The following FREM3 variants were observed in gnomAD, a reference collection of about 807,000 sequenced individuals.
FREM3 encodes the protein FRAS1 related extracellular matrix 3.
A neutral mutation model predicts 129.1 loss-of-function variants in FREM3; 105 were observed. The observed-to-expected ratio is 0.81, with a 90% CI of 0.69 to 0.96. The LOEUF (loss-of-function observed/expected upper bound fraction) is 0.96, where lower values mean the gene tolerates loss of function less well. Ranked by LOEUF, FREM3 falls within the 40% of genes least tolerant of loss-of-function variation. FREM3 has a pLI of 0.00. For synonymous variants in FREM3, 1,014 were observed against 1,044.9 expected, an observed-to-expected ratio of 0.97 and a Z score of 0.57; for missense variants, 2,593 against 2,666.3, an observed-to-expected ratio of 0.97 and a Z score of 0.61.
chr4:143,597,199 G>A (rs151285884), intron 6 of FREM3, among the ~76,000 whole-genome samples: 31 of 152,136 alleles, frequency 2.0e-4, no homozygotes, highest in African/African-American at 7.2e-4. Flanking sequence ...AGAGAGAGGA[G>A]TTTGAAACAG....
chr4:143,635,397 G>T (rs1231229522), intron 2 of FREM3, among the ~76,000 whole-genome samples: 2 of 152,144 alleles, frequency 1.3e-5, no homozygotes, highest in African/African-American at 2.4e-5. Flanking sequence ...TCTAGTGCAT[G>T]ATTTTCCATC....
intron 6 of FREM3, among the ~76,000 whole-genome samples, chr4:143,602,475 C>T (rs1738589810): frequency 6.6e-6 from 1 of 152,080 alleles, no homozygotes. Flanking sequence ...GGGACTAAAG[C>T]AGAAGTATCT....
chr4:143,668,202 C>A (rs1260384845), intron 2 of FREM3, among the ~76,000 whole-genome samples: 5 of 152,038 alleles, frequency 3.3e-5, no homozygotes, highest in Non-Finnish European at 7.4e-5. Context: ...AACCGATGAA[C>A]ATGATGAGTA....
chr4:143,693,805 C>T (rs948364291), intron 1 of FREM3, among the ~76,000 whole-genome samples: 10 of 152,106 alleles, frequency 6.6e-5, no homozygotes, highest in African/African-American at 1.2e-4. Flanking sequence ...TTCTTCTTCT[C>T]GTTGTTGTTT....
At chr4:143,620,340 G>A (rs1237934426) in intron 5 of FREM3, among the ~76,000 whole-genome samples, 1 of 152,200 alleles carries the variant, frequency 6.6e-6, no homozygotes, top group Non-Finnish European at 1.5e-5. Flanking sequence ...CCACATGAAA[G>A]TGATGGTGGC....
intron 2 of FREM3, among the ~76,000 whole-genome samples, chr4:143,652,783 C>T (rs1007662243): frequency 6.6e-6 from 1 of 152,164 alleles, no homozygotes; most frequent in South Asian, 2.1e-4. Flanking sequence ...TGCATGCCTC[C>T]ATGCCCAGCT....
intron 6 of FREM3, among the ~76,000 whole-genome samples, chr4:143,590,958 T>G (rs1436561033): frequency 6.6e-6 from 1 of 152,232 alleles, no homozygotes; most frequent in Admixed American, 6.5e-5. Context: ...CTTCCTGGTT[T>G]AGTCTTGGGA....
intron 2 of FREM3, among the ~76,000 whole-genome samples, chr4:143,632,574 G>T (rs1023210400): frequency 2.6e-5 from 4 of 152,074 alleles, no homozygotes. Flanking sequence ...TAAGAAGGTG[G>T]TCTGGCTTTT....
Position 143,627,540 on chromosome 4 carries a change from T to C in FREM3, c.5422+74A>G, listed in dbSNP as rs905750405. The C allele has an allele frequency of 3.1e-5, 37 of 1,205,888 alleles. No individual in the cohort carries two copies. The South Asian group carries it at 3.2e-4, about 10-fold the overall frequency. 74.7% of individuals were successfully genotyped at this position (1,205,888 alleles called of 1,614,324 possible). ...TTCTTTATTCTCTTTCAGTATACTT[T>C]CTTGTAATTATTTTTAGTCCCAGAT... On this transcript the variant is annotated intron_variant, in intron 3 of 7. Coordinates refer to ENST00000329798, the MANE Select transcript of FREM3 (RefSeq NM_001168235.2).
rs112309816 is a variant in FREM3, at chr4:143,631,329, G to GTATTTATTTATT, written c.5276-3581_5276-3570dup. ...AGAAAAGTTGTGTTATTATAATGCT[G>GTATTTATTTATT]TATTTATTTATTTATTTATTTATTT... On this transcript the variant is annotated intron_variant, in intron 2 of 7. Coordinates refer to ENST00000329798, the MANE Select transcript of FREM3 (RefSeq NM_001168235.2). Among the ~76,000 whole-genome samples, 497 of 151,588 alleles carry GTATTTATTTATT rather than the reference G, an allele frequency of 3.3e-3. 4 individuals are homozygous for GTATTTATTTATT. Among genetic ancestry groups the GTATTTATTTATT allele is most frequent in the African/African-American group, 0.012 (486 of 41,208 alleles).
intron 2 of FREM3, among the ~76,000 whole-genome samples, chr4:143,628,941 G>T (rs1270278846): frequency 6.6e-6 from 1 of 152,126 alleles, no homozygotes; most frequent in Non-Finnish European, 1.5e-5. Flanking sequence ...GACAAAGAAA[G>T]CAGGTATATG....
chr4:143,657,929 T>C (rs541176445), intron 2 of FREM3, among the ~76,000 whole-genome samples: 33 of 152,234 alleles, frequency 2.2e-4, no homozygotes, highest in African/African-American at 7.2e-4. Context: ...TCTCTTTACC[T>C]CCTCGAGTTC....
At position 143,700,593 on chromosome 4, in the gene FREM3, G is replaced by C. The variant is rs771121706; in HGVS notation, c.83C>G (p.Ala28Gly). ...ALACLLLSRP[A>G]LQGRASSLGT... The stretch of plus-strand genomic sequence containing the variant: ...AAGTGAGGATGCCCGTCCCTGCAGC[G>C]CGGGGCGACTCAAGAGCAGGCAGGC... The change falls in exon 1 of 8, where the codon GCG (alanine) becomes GGG (glycine). Residue 28 changes from alanine to glycine, a missense_variant. This residue lies in a region of FREM3 where 2,276 missense variants were observed against 2,267.2 expected (regional missense o/e 1.00). Coordinates refer to ENST00000329798, the MANE Select transcript of FREM3 (RefSeq NM_001168235.2). 18 of 1,476,246 alleles carry C rather than the reference G, an allele frequency of 1.2e-5. No individual in the cohort carries two copies. Among genetic ancestry groups the C allele is most frequent in the Non-Finnish European group, 1.6e-5 (18 of 1,114,662 alleles). The allele number at this position is 1,476,246 out of a possible 1,614,324, so 91.4% of individuals were successfully genotyped here.
intron 2 of FREM3, among the ~76,000 whole-genome samples, chr4:143,660,007 G>A (rs930655243): frequency 8.9e-5 from 13 of 146,614 alleles, no homozygotes; most frequent in African/African-American, 2.0e-4. Context: ...AGTAGGTTGT[G>A]AAAATTTTCT....
intron 2 of FREM3, among the ~76,000 whole-genome samples, chr4:143,689,582 G>A (rs374164426): frequency 5.9e-5 from 9 of 151,974 alleles, no homozygotes; most frequent in Non-Finnish European, 8.8e-5. Flanking sequence ...ACTTGCACAC[G>A]CGTGTTTACA....
At chr4:143,675,484 G>C (rs1740097977) in intron 2 of FREM3, among the ~76,000 whole-genome samples, 1 of 152,102 alleles carries the variant, frequency 6.6e-6, no homozygotes, top group Non-Finnish European at 1.5e-5. Flanking sequence ...AAAAGAACTA[G>C]GGAAGCAAGA....
chr4:143,637,139 G>A lies in FREM3; in HGVS notation c.5276-9379C>T, dbSNP rs577375981. Among the ~76,000 whole-genome samples, 25 of 152,278 alleles carry A rather than the reference G, an allele frequency of 1.6e-4. No homozygotes were observed. In the South Asian group the frequency reaches 5.2e-3, roughly 32 times the overall value. On this transcript the variant is annotated intron_variant, in intron 2 of 7. Coordinates refer to ENST00000329798, the MANE Select transcript of FREM3 (RefSeq NM_001168235.2). ...ACCTTTACTTAGCAATTGTCACATAGTGTCAGTTAGTATCATTGTCATTTG... is the reference window on the plus strand; with the variant it reads ...ACCTTTACTTAGCAATTGTCACATAATGTCAGTTAGTATCATTGTCATTTG...
intron 5 of FREM3, 147 bp from the exon 6 acceptor site, chr4:143,611,674 T>C (rs1367332974): frequency 1.4e-6 from 1 of 718,634 alleles, no homozygotes; most frequent in Non-Finnish European, 2.2e-6. Flanking sequence ...ATAGTAATAC[T>C]GTAAGAAGAA....
intron 2 of FREM3, among the ~76,000 whole-genome samples, chr4:143,648,998 ATGTGATCCTCC>A (rs1205295843): frequency 4.6e-5 from 7 of 152,172 alleles, no homozygotes; most frequent in African/African-American, 1.7e-4. Context: ...TCCTGGCCTC[ATGTGATCCTCC>A]TGTCTTGGCT....
Sources: allele counts gnomAD v4.1 joint callset (sites outside exome capture counted in the v4.1 genomes callset), GRCh38; gene constraint gnomAD v4.1.1; regional missense constraint gnomAD v4.1.1; transcripts MANE v1.5; gene names NCBI Gene and HGNC (gene_info 2026-07-23, HGNC 2026-07-21).